Variants in BACH1 observed in about 807,000 individuals in gnomAD.
BACH1 encodes the protein BTB domain and CNC homolog 1.
A neutral mutation model predicts 52.9 loss-of-function variants in BACH1; 35 were observed. The observed-to-expected ratio is 0.66, with a 90% CI of 0.51 to 0.88. BACH1 has a LOEUF of 0.88. Among genes scored for constraint, BACH1 ranks in the 40% least tolerant of loss-of-function variants. BACH1 has a pLI of 0.00. For synonymous variants in BACH1, 321 were observed against 319.6 expected, an observed-to-expected ratio of 1.00 and a Z score of -0.05; for missense variants, 808 against 872.6, an observed-to-expected ratio of 0.93 and a Z score of 0.93.
chr21:29,300,854 T>A (rs1171009950), intron 1 of BACH1: 1 of 152,238 alleles, frequency 6.6e-6, no homozygotes. Flanking sequence ...ATGGGTGGAA[T>A]TAATAGGTCT....
At chr21:29,325,535 G>A (rs888596057) in intron 2 of BACH1, among the ~76,000 whole-genome samples, 3 of 152,204 alleles carry the variant, frequency 2.0e-5, no homozygotes, top group African/African-American at 7.2e-5. Flanking sequence ...ATTTTTGACA[G>A]TAAAGTTAAT....
intron 1 of BACH1, among the ~76,000 whole-genome samples, chr21:29,299,925 A>G (rs2088584225): frequency 1.3e-5 from 2 of 152,184 alleles, no homozygotes. Context: ...GAATTTGATC[A>G]TGTATTTGAA....
At chr21:29,318,852 C>T (rs1487618607) in intron 1 of BACH1, among the ~76,000 whole-genome samples, 2 of 152,048 alleles carry the variant, frequency 1.3e-5, no homozygotes, top group East Asian at 3.9e-4. Context: ...TTCTTGCTCT[C>T]TCTGCGGTCC....
chr21:29,355,801 A>G (rs1481484357), intron 2 of BACH1, among the ~76,000 whole-genome samples: 1 of 152,356 alleles, frequency 6.6e-6, no homozygotes, highest in East Asian at 1.9e-4. Context: ...GGGAGAAGCC[A>G]TGTTGCCCAA....
chr21:29,361,248 G>A (rs1230055340), intron 2 of BACH1: 1 of 152,180 alleles, frequency 6.6e-6, no homozygotes, highest in Non-Finnish European at 1.5e-5. Context: ...ATTACAGTAG[G>A]TTTTGTGCCA....
downstream of BACH1, among the ~76,000 whole-genome samples, chr21:29,349,042 C>T (rs1305020940): frequency 6.6e-6 from 1 of 150,892 alleles, no homozygotes; most frequent in Non-Finnish European, 1.5e-5. Context: ...TGCAGTGAGC[C>T]GAGATAGCGC....
Position 29,329,652 on chromosome 21 carries a change from C to G in BACH1, c.1735C>G (p.Leu579Val). 1 of 1,591,308 alleles carries G rather than the reference C, an allele frequency of 6.3e-7. No homozygotes were observed. The highest frequency in any genetic ancestry group is 8.5e-7 in the Non-Finnish European group (1 of 1,170,632). ...TGCACAGCGCTGTCGCAAGAGAAAA[C>G]TTGACTGTATACAGAATCTTGAATC... The part of the protein sequence containing the change: ...IAAQRCRKRK[L>V]DCIQNLESEI... The change falls in exon 4 of 5, where the codon CTT (leucine) becomes GTT (valine). Residue 579 changes from leucine to valine, a missense_variant. Transcript: ENST00000286800.
At chr21:29,354,236 C>T (rs1215998712) in intron 2 of BACH1, among the ~76,000 whole-genome samples, 4 of 152,118 alleles carry the variant, frequency 2.6e-5, no homozygotes, top group Non-Finnish European at 5.9e-5. Flanking sequence ...ATGAGGGCTC[C>T]AGGTTGGAGG....
rs562796817 is a variant in BACH1 at position 29,299,262 on chromosome 21, G to A, written c.-61+309G>A. ...TACCCGGGGCGGGCGGGGGCTGGGG[G>A]CCGCGGGGTCCCTGCCCCACCCCCC... On this transcript the variant is annotated intron_variant, in intron 1 of 4. Coordinates refer to ENST00000286800, the MANE Select transcript of BACH1 (RefSeq NM_001186.4). 3.5e-3 allele frequency among the ~76,000 whole-genome samples: 530 copies of A among 151,872 alleles called. 5 individuals carry two copies. Among genetic ancestry groups the A allele is most frequent in the African/African-American group, 0.012 (507 of 41,504 alleles).
chr21:29,320,285 G>A (rs138123804), intron 1 of BACH1, among the ~76,000 whole-genome samples: 10 of 152,230 alleles, frequency 6.6e-5, no homozygotes, highest in Admixed American at 6.5e-4. Flanking sequence ...CCGGCCGTAG[G>A]GTGCTGGAAG....
At chr21:29,310,399 C>T (rs1429948885) in intron 1 of BACH1, among the ~76,000 whole-genome samples, 1 of 152,154 alleles carries the variant, frequency 6.6e-6, no homozygotes, top group Non-Finnish European at 1.5e-5. Flanking sequence ...TATATCCTAA[C>T]AAGGCATGGT....
chr21:29,327,131 C>G lies in BACH1; in HGVS notation c.1307C>G (p.Pro436Arg), dbSNP rs199690512. The change falls in exon 3 of 5, where the codon CCG becomes CGG. Residue 436 changes from proline (P) to arginine (R), a missense_variant. By Grantham distance (103) the Pro-to-Arg change is moderately radical. Coordinates refer to ENST00000286800, the MANE Select transcript of BACH1 (RefSeq NM_001186.4). ...ATCTCACAGAAACGGTCTGAGTGTC[C>G]GTGGTTAGGTATCAGGATTAGTGAG... ...EQISQKRSEC[P>R]WLGIRISESP... 1.9e-5 allele frequency: 30 copies of G among 1,614,126 alleles called. No individual in the cohort carries two copies. The highest frequency in any genetic ancestry group is 3.3e-5 in the Admixed American group (2 of 60,024).
chr21:29,332,180 C>T (rs1179143185), intron 4 of BACH1, among the ~76,000 whole-genome samples: 3 of 152,102 alleles, frequency 2.0e-5, no homozygotes, highest in East Asian at 1.9e-4. Context: ...GTGATCCGCC[C>T]GCCTCAGCCT....
downstream of BACH1, among the ~76,000 whole-genome samples, chr21:29,346,329 C>A (rs1430580105): frequency 6.6e-6 from 1 of 151,866 alleles, no homozygotes; most frequent in African/African-American, 2.4e-5. Context: ...CAGATTTTAG[C>A]TTTGCTTCTG....
At chr21:29,340,656 G>A (rs1444955153) in intron 4 of BACH1, among the ~76,000 whole-genome samples, 1 of 152,152 alleles carries the variant, frequency 6.6e-6, no homozygotes, top group African/African-American at 2.4e-5. Flanking sequence ...TCCCAACTTT[G>A]GTAGAGGAGT....
chr21:29,315,830 T>C (rs2088780111), intron 1 of BACH1, among the ~76,000 whole-genome samples: 1 of 152,212 alleles, frequency 6.6e-6, no homozygotes, highest in African/African-American at 2.4e-5. Context: ...GGCATCATTC[T>C]CATTTTGAAC....
chr21:29,331,444 G>GT (rs962146223), intron 4 of BACH1, among the ~76,000 whole-genome samples: 1 of 152,190 alleles, frequency 6.6e-6, no homozygotes, highest in African/African-American at 2.4e-5. Context: ...AAGCAAATAT[G>GT]TTTGAGAGTA....
intron 3 of BACH1, among the ~76,000 whole-genome samples, chr21:29,328,847 C>G (rs377618092): frequency 6.6e-6 from 1 of 152,186 alleles, no homozygotes; most frequent in Admixed American, 6.5e-5. Context: ...TGATGCCTCC[C>G]AAGTTCTCCA....
chr21:29,326,793 GTCTCT>G lies in BACH1; in HGVS notation c.971_975del (p.Ser324PhefsTer5). 1 of 1,614,006 alleles carries G rather than the reference GTCTCT, an allele frequency of 6.2e-7. No homozygotes were observed. Among genetic ancestry groups the G allele is most frequent in the Non-Finnish European group, 8.5e-7 (1 of 1,180,022 alleles). On this transcript the variant is annotated frameshift_variant, in exon 3 of 5. Transcript: ENST00000286800. LOFTEE classifies it high-confidence loss of function. ...TAGACCCTCATGGACTTTATTCTTT[GTCTCT>G]TTTACACACATATGACCAATATGGT...
Sources: allele counts gnomAD v4.1 joint callset (sites outside exome capture counted in the v4.1 genomes callset), GRCh38; gene constraint gnomAD v4.1.1; transcripts MANE v1.5; gene names NCBI Gene and HGNC (gene_info 2026-07-23, HGNC 2026-07-21).